Variants in BMP2K observed in about 807,000 individuals in gnomAD.
BMP2K encodes the protein BMP-2-inducible protein kinase.
BMP2K carries 74 observed loss-of-function variants against 116.0 expected under a neutral mutation model. The ratio of observed to expected loss-of-function variants is 0.64; its 90% CI spans 0.53 to 0.77. The LOEUF (loss-of-function observed/expected upper bound fraction) is 0.77. Among genes scored for constraint, BMP2K ranks in the 30% least tolerant of loss-of-function variants. BMP2K has a pLI of 0.00. For synonymous variants in BMP2K, 486 were observed against 502.5 expected (o/e 0.97, Z 0.44); for missense variants, 1,365 against 1,403.6 (o/e 0.97, Z 0.44).
intron 15 of BMP2K, among the ~76,000 whole-genome samples, chr4:78,901,525 G>A (rs1734006031): frequency 6.6e-6 from 1 of 152,138 alleles, no homozygotes; most frequent in South Asian, 2.1e-4. Flanking sequence ...ATCTGTTTAA[G>A]ATGGTGCCAT....
chr4:78,905,311 T>C (rs1444064053), intron 15 of BMP2K, among the ~76,000 whole-genome samples: 1 of 151,928 alleles, frequency 6.6e-6, no homozygotes, highest in Non-Finnish European at 1.5e-5. Flanking sequence ...AATTTTTAGT[T>C]CGTAGTTCCA....
intron 15 of BMP2K, among the ~76,000 whole-genome samples, chr4:78,892,887 G>A (rs1733516364): frequency 6.6e-6 from 1 of 152,142 alleles, no homozygotes; most frequent in Non-Finnish European, 1.5e-5. Flanking sequence ...CTTTTTGCTG[G>A]TGGCAGGTCT....
At chr4:78,904,397 G>T (rs1380045462) in intron 15 of BMP2K, among the ~76,000 whole-genome samples, 1 of 151,860 alleles carries the variant, frequency 6.6e-6, no homozygotes, top group Admixed American at 6.6e-5. Flanking sequence ...TCTGATTCAA[G>T]TACCATTTGT....
At chr4:78,812,888 T>TA (rs1459486319) in intron 1 of BMP2K, among the ~76,000 whole-genome samples, 3 of 151,728 alleles carry the variant, frequency 2.0e-5, no homozygotes, top group African/African-American at 4.8e-5. Flanking sequence ...ACCAAAAAAT[T>TA]AAAAAACTTA....
At chr4:78,887,979 T>C (rs1733193018) in intron 15 of BMP2K, 1 of 152,254 alleles carries the variant, frequency 6.6e-6, no homozygotes, top group East Asian at 1.9e-4. Flanking sequence ...TTCAGTTCTG[T>C]TCCTTTTGTT....
chr4:78,882,563 C>T (rs1223381678), intron 14 of BMP2K, among the ~76,000 whole-genome samples: 1 of 151,510 alleles, frequency 6.6e-6, no homozygotes, highest in African/African-American at 2.4e-5. Context: ...TTTAAAATTG[C>T]CATAATATTT....
At chr4:78,873,170 T>C (rs1366186955) in intron 13 of BMP2K, among the ~76,000 whole-genome samples, 1 of 152,244 alleles carries the variant, frequency 6.6e-6, no homozygotes, top group East Asian at 1.9e-4. Flanking sequence ...TTACCTTTGA[T>C]TAATTTTACT....
intron 13 of BMP2K, among the ~76,000 whole-genome samples, chr4:78,876,504 A>G (rs1349144106): frequency 6.6e-6 from 1 of 152,200 alleles, no homozygotes; most frequent in East Asian, 1.9e-4. Context: ...TAAGTATCCT[A>G]TTCTTGGCTC....
intron 1 of BMP2K, among the ~76,000 whole-genome samples, chr4:78,807,314 C>T (rs944083849): frequency 1.3e-5 from 2 of 151,894 alleles, no homozygotes; most frequent in Non-Finnish European, 2.9e-5. Flanking sequence ...GGAATGTAAT[C>T]TTTTTTTAAT....
At chr4:78,910,025 G>A (rs1325181739) in intron 15 of BMP2K, among the ~76,000 whole-genome samples, 1 of 152,136 alleles carries the variant, frequency 6.6e-6, no homozygotes, top group Non-Finnish European at 1.5e-5. Context: ...TCTAGAGAAG[G>A]CAGATGTTTT....
intron 1 of BMP2K, among the ~76,000 whole-genome samples, chr4:78,813,812 G>A (rs1205395375): frequency 5.3e-5 from 8 of 151,950 alleles, no homozygotes; most frequent in Admixed American, 5.2e-4. Flanking sequence ...TTCTTCTCAG[G>A]ACTTACCGTT....
chr4:78,816,782 G>T (rs903185434), intron 1 of BMP2K, among the ~76,000 whole-genome samples: 3 of 152,258 alleles, frequency 2.0e-5, no homozygotes, highest in Middle Eastern at 3.4e-3. Context: ...AATCAGAGGC[G>T]CTTGGTTAAT....
chr4:78,835,123 A>G (rs1730405167), intron 3 of BMP2K, among the ~76,000 whole-genome samples: 1 of 152,200 alleles, frequency 6.6e-6, no homozygotes, highest in Non-Finnish European at 1.5e-5. Flanking sequence ...CACTTAGAAG[A>G]CATCTTAAAA....
chr4:78,897,243 A>C (rs1178349055), intron 15 of BMP2K, among the ~76,000 whole-genome samples: 1 of 152,094 alleles, frequency 6.6e-6, no homozygotes, highest in Non-Finnish European at 1.5e-5. Flanking sequence ...AAAATAACAT[A>C]ACATCTTGGG....
chr4:78,795,581 T>C (rs2109942766), intron 1 of BMP2K, among the ~76,000 whole-genome samples: 1 of 152,142 alleles, frequency 6.6e-6, no homozygotes, highest in East Asian at 1.9e-4. Context: ...CAAAAGAAAC[T>C]ACCATCAGAG....
chr4:78,866,787 A>G (rs962932386), intron 10 of BMP2K, among the ~76,000 whole-genome samples: 1 of 152,032 alleles, frequency 6.6e-6, no homozygotes, highest in Non-Finnish European at 1.5e-5. Context: ...AGTAGCTGGG[A>G]TTACAGGGGC....
intron 4 of BMP2K, 114 bp downstream of exon 4, chr4:78,842,641 C>T (rs1730815803): frequency 1.1e-6 from 1 of 885,314 alleles, no homozygotes; most frequent in Non-Finnish European, 1.6e-6. Context: ...CTCTCTCTCC[C>T]CTTCTACATT....
At chr4:78,880,809 GTC>G (rs1421619731) in intron 14 of BMP2K, among the ~76,000 whole-genome samples, 1 of 152,190 alleles carries the variant, frequency 6.6e-6, no homozygotes, top group Admixed American at 6.5e-5. Context: ...TTGTGCATGT[GTC>G]TGTGTGCACA....
At chr4:78,894,761 C>T (rs1019859360) in intron 15 of BMP2K, among the ~76,000 whole-genome samples, 4 of 152,180 alleles carry the variant, frequency 2.6e-5, no homozygotes, top group African/African-American at 9.7e-5. Context: ...AGCTTTTGAC[C>T]TATCTCAGCT....
Sources: gnomAD v4.1 joint callset for allele counts (sites outside exome capture counted in the v4.1 genomes callset) on GRCh38, gnomAD v4.1.1 for gene constraint, MANE v1.5 for transcripts, NCBI Gene and HGNC (gene_info 2026-07-23, HGNC 2026-07-21) for gene names.